Variants in ISX observed in about 807,000 individuals in gnomAD.
ISX encodes intestine-specific homeobox.
A neutral mutation model predicts 16.9 loss-of-function variants in ISX; 15 were observed. The ratio of observed to expected loss-of-function variants is 0.89; its 90% CI spans 0.59 to 1.36. The LOEUF (loss-of-function observed/expected upper bound fraction) is 1.36, where lower values mean the gene tolerates loss of function less well. Among genes scored for constraint, ISX ranks in the 40% most tolerant of loss-of-function variants. The pLI is 0.00. For missense variants in ISX, 316 were observed against 306.1 expected (o/e 1.03, Z -0.24); for synonymous variants, 125 against 119.7 (o/e 1.04, Z -0.29).
At chr22:35,067,474 A>G (rs879490004) in intron 2 of ISX, among the ~76,000 whole-genome samples, 158 bp downstream of exon 2, 15 of 152,218 alleles carry the variant, frequency 9.9e-5, no homozygotes, top group African/African-American at 1.4e-4. Context: ...ATACCTTTCA[A>G]TCTAACCCAA....
chr22:35,072,085 A>G (rs362032), intron 2 of ISX, among the ~76,000 whole-genome samples: 65,590 of 152,046 alleles, frequency 0.43, 14,656 homozygotes, highest in East Asian at 0.79. Context: ...AGTTAAAAAC[A>G]GGCACTTCCT....
At position 35,073,884 on chromosome 22, in the gene ISX, G is replaced by A. The variant is rs1421001412; in HGVS notation, c.229+6568G>A. ...AATGAAGAACCATTTTCAAATTTTC[G>A]ACAGGAAAGTGTACAGTGATCAGTA... On this transcript the variant is annotated intron_variant, in intron 2 of 4. Coordinates refer to ENST00000404699, the MANE Select transcript of ISX (RefSeq NM_001303508.2). Among the ~76,000 whole-genome samples, 13 of 152,292 alleles carry A rather than the reference G, an allele frequency of 8.5e-5. No individual in the cohort carries two copies. The South Asian group carries it at 1.5e-3, about 17-fold the overall frequency.
At chr22:35,076,822 G>A (rs1452685700) in intron 2 of ISX, among the ~76,000 whole-genome samples, 3 of 152,214 alleles carry the variant, frequency 2.0e-5, no homozygotes, top group East Asian at 3.8e-4. Flanking sequence ...AAGTTCTGCT[G>A]ATTCATTCTC....
intron 2 of ISX, 80 bp downstream of exon 2, chr22:35,067,396 G>T: frequency 1.0e-6 from 1 of 992,404 alleles, no homozygotes; most frequent in Non-Finnish European, 1.5e-6. Flanking sequence ...AAGCTTCTCC[G>T]TCCATATTAA....
intron 2 of ISX, 59 bp downstream of exon 2, chr22:35,067,375 AG>A: frequency 8.0e-7 from 1 of 1,246,558 alleles, no homozygotes; most frequent in South Asian, 1.4e-5. Context: ...AGCTGGGCTC[AG>A]GCAGAGAAAA....
chr22:35,079,994 C>T lies in ISX; in HGVS notation c.230-2524C>T, dbSNP rs1391796337. ...CCATTCTGCCAATGGGGCAATCTTC[C>T]TTACTCTCCATTGTGTGGCCAGGTT... On this transcript the variant is annotated intron_variant, in intron 2 of 4. Coordinates refer to ENST00000404699, the MANE Select transcript of ISX (RefSeq NM_001303508.2). Among the ~76,000 whole-genome samples, 3 of 152,190 alleles carry T rather than the reference C, an allele frequency of 2.0e-5. No homozygotes were observed. The East Asian group carries it at 5.8e-4, about 29-fold the overall frequency.
At position 35,085,456 on chromosome 22, in the gene ISX, G is replaced by A. The variant is rs773864886; in HGVS notation, c.501G>A (p.Gly167=). 4 of 1,614,194 alleles carry A rather than the reference G, an allele frequency of 2.5e-6. No individual in the cohort carries two copies. The South Asian group carries it at 4.4e-5, about 18-fold the overall frequency. The change falls in exon 5 of 5, where the codon GGG becomes GGA. Residue 167 remains glycine (G), a splice_region_variant and synonymous_variant. Coordinates refer to ENST00000404699, the MANE Select transcript of ISX (RefSeq NM_001303508.2). ...CTCCTGACCTCTCCTTGTGACAGGG[G>A]CCCACGTGGACATCCACTGCTCTGC... ...VALPTNLDVA[G]PTWTSTALRR...
chr22:35,074,319 C>CAGCT (rs548986587), intron 2 of ISX, among the ~76,000 whole-genome samples: 48 of 152,340 alleles, frequency 3.2e-4, no homozygotes, highest in African/African-American at 1.1e-3. Context: ...GTGGCTGGAG[C>CAGCT]AGCTGTGTGT....
chr22:35,071,314 C>T (rs1296838673), intron 2 of ISX, among the ~76,000 whole-genome samples: 2 of 152,234 alleles, frequency 1.3e-5, no homozygotes, highest in Non-Finnish European at 2.9e-5. Flanking sequence ...TTACCACAAC[C>T]TGAGTGGCTT....
intron 2 of ISX, among the ~76,000 whole-genome samples, chr22:35,071,008 G>T (rs1000831719): frequency 1.3e-5 from 2 of 152,172 alleles, no homozygotes; most frequent in Non-Finnish European, 2.9e-5. Flanking sequence ...CAGGGGTCAG[G>T]CCAGATTTGG....
At chr22:35,069,002 C>T (rs1405059212) in intron 2 of ISX, among the ~76,000 whole-genome samples, 1 of 152,162 alleles carries the variant, frequency 6.6e-6, no homozygotes, top group East Asian at 1.9e-4. Context: ...CATCCGTCTC[C>T]CACTATGCTG....
rs147323979 is a variant in ISX at position 35,067,159 on chromosome 22, G to A, written c.72G>A (p.Pro24=). 1.5e-5 allele frequency: 25 copies of A among 1,613,480 alleles called. No individual in the cohort carries two copies. The African/African-American group carries it at 1.7e-4, about 11-fold the overall frequency. Residue 24 remains proline (P), a synonymous_variant, in exon 2 of 5, where the codon CCG becomes CCA. Transcript: ENST00000404699. ...ERNSLGCCEA[P]KKLSLSFSIE... Reference sequence around the variant, plus strand: ...ATAGCTTGGGGTGCTGTGAGGCCCCGAAGAAGCTGAGCCTGTCCTTCTCCA... The same window carrying A: ...ATAGCTTGGGGTGCTGTGAGGCCCCAAAGAAGCTGAGCCTGTCCTTCTCCA...
At chr22:35,069,299 T>A (rs1928788441) in intron 2 of ISX, among the ~76,000 whole-genome samples, 2 of 152,162 alleles carry the variant, frequency 1.3e-5, no homozygotes, top group South Asian at 4.1e-4. Context: ...AAAAGAAACC[T>A]GCAGAAATTG....
intron 2 of ISX, among the ~76,000 whole-genome samples, chr22:35,080,322 T>C (rs1053341441): frequency 6.6e-6 from 1 of 152,176 alleles, no homozygotes; most frequent in Non-Finnish European, 1.5e-5. Context: ...CCCTTTGAGC[T>C]CCAAACTTAT....
At chr22:35,074,849 C>G (rs2060841987) in intron 2 of ISX, among the ~76,000 whole-genome samples, 2 of 149,422 alleles carry the variant, frequency 1.3e-5, no homozygotes, top group Admixed American at 1.3e-4. Flanking sequence ...TGGAGAGGGT[C>G]TGAAGCATAA....
intron 2 of ISX, among the ~76,000 whole-genome samples, chr22:35,071,828 C>T (rs2146288381): frequency 6.6e-6 from 1 of 152,224 alleles, no homozygotes; most frequent in East Asian, 1.9e-4. Context: ...CTTCCCTGTT[C>T]CTCACTTCTT....
At position 35,067,256 on chromosome 22, in the gene ISX, C is replaced by T. The variant is rs362090; in HGVS notation, c.169C>T (p.Pro57Ser). The change falls in exon 2 of 5, where the codon CCC becomes TCC. Residue 57 changes from proline (P) to serine (S), a missense_variant. Physicochemically the swap from Pro to Ser is moderately conservative, Grantham distance 74 (BLOSUM62 -1). Coordinates refer to ENST00000404699, the MANE Select transcript of ISX (RefSeq NM_001303508.2). ...DRPEGPGEEG[P>S]GEAAASGSGL... ...ACCAGAAGGGCCAGGTGAAGAGGGC[C>T]CCGGAGAAGCTGCGGCCTCAGGCTC... is the stretch of plus-strand genomic sequence containing the variant. 0.51 allele frequency: 812,239 copies of T among 1,600,936 alleles called. 208,821 individuals are homozygous for T. The highest frequency in any genetic ancestry group is 0.75 in the East Asian group (33,371 of 44,342).
At chr22:35,068,615 C>T (rs1383513967) in intron 2 of ISX, among the ~76,000 whole-genome samples, 2 of 152,168 alleles carry the variant, frequency 1.3e-5, no homozygotes, top group South Asian at 2.1e-4. Flanking sequence ...AGAGAGGTCT[C>T]GCTTTTCCTA....
At chr22:35,085,201 T>G (rs1179363846) in intron 4 of ISX, among the ~76,000 whole-genome samples, 1 of 152,100 alleles carries the variant, frequency 6.6e-6, no homozygotes, top group South Asian at 2.1e-4. Flanking sequence ...TCAAAACAAT[T>G]GTAAGTACCA....
Sources: gnomAD v4.1 joint callset for allele counts (sites outside exome capture counted in the v4.1 genomes callset) on GRCh38, gnomAD v4.1.1 for gene constraint, MANE v1.5 for transcripts, NCBI Gene and HGNC (gene_info 2026-07-23, HGNC 2026-07-21) for gene names.